Variants in RAB43 observed in about 807,000 individuals in gnomAD.
RAB43 encodes the protein ras-related protein Rab-43.
Under a neutral mutation model 18.8 loss-of-function variants are expected in RAB43, and 6 were observed. The ratio of observed to expected loss-of-function variants is 0.32; its 90% CI spans 0.17 to 0.63. The LOEUF (loss-of-function observed/expected upper bound fraction) is 0.63, where lower values mean the gene tolerates loss of function less well. RAB43 is among the 30% of genes least tolerant of loss of function. The pLI is 0.79. For synonymous variants in RAB43, 103 were observed against 124.1 expected (o/e 0.83, Z 1.13); for missense variants, 195 against 289.1 (o/e 0.67, Z 2.36).
Position 129,095,989 on chromosome 3 carries a change from G to A in RAB43, c.205-820C>T, listed in dbSNP as rs1339264310. Among the ~76,000 whole-genome samples the A allele has an allele frequency of 6.6e-6, 1 of 152,218 alleles. No individual in the cohort carries two copies. Among genetic ancestry groups the A allele is most frequent in the Non-Finnish European group, 1.5e-5 (1 of 68,034 alleles). ...ATCACCAGCCAAGGGGCATATGCCA[G>A]GGATCTTGGTGACCAAACACCTTGG... On this transcript the variant is annotated intron_variant, in intron 1 of 2. Transcript: ENST00000315150. The surrounding 1 kb of genome is among the most constrained non-coding windows in gnomAD (Gnocchi z 4.2).
At position 129,087,957 on chromosome 3, in the gene RAB43, TC is replaced by T. The variant is rs1378456832; in HGVS notation, c.*3138del. ...CCCCGCCACCTCCACCATTGCCCCC[TC>T]CCCTGCACTCTGGCCCCTGACCCCA... On this transcript the variant is annotated 3_prime_UTR_variant, in exon 3 of 3. Transcript: ENST00000315150. The T allele has an allele frequency of 7.3e-5, 4 of 54,756 alleles. No homozygotes were observed. The South Asian group carries it at 2.3e-3, about 31-fold the overall frequency. The allele number at this position is 54,756 out of a possible 1,614,324, so 3.4% of individuals were successfully genotyped here.
At chr3:129,096,167 G>A (rs1934037550) in intron 1 of RAB43, among the ~76,000 whole-genome samples, 1 of 152,232 alleles carries the variant, frequency 6.6e-6, no homozygotes, top group African/African-American at 2.4e-5. Context: ...AGTTCTCAAG[G>A]TATGTGAGAA....
intron 1 of RAB43, among the ~76,000 whole-genome samples, chr3:129,111,415 T>G (rs1310047905): frequency 6.7e-6 from 1 of 150,124 alleles, no homozygotes; most frequent in Non-Finnish European, 1.5e-5. Flanking sequence ...CTCAGGAGGC[T>G]GAGGCAGAAG....
intron 1 of RAB43, among the ~76,000 whole-genome samples, chr3:129,111,086 G>A (rs138425460): frequency 2.8e-4 from 43 of 152,176 alleles, no homozygotes; most frequent in African/African-American, 9.1e-4. Context: ...CCCAAGGGTA[G>A]GGGACTCCTC....
intron 1 of RAB43, among the ~76,000 whole-genome samples, chr3:129,118,130 G>A (rs991839191): frequency 1.3e-5 from 2 of 152,146 alleles, no homozygotes; most frequent in African/African-American, 4.8e-5. Context: ...GAGTATGATG[G>A]GCACGGGAAG....
At chr3:129,115,925 G>A (rs1277616958) in intron 1 of RAB43, among the ~76,000 whole-genome samples, 4 of 152,174 alleles carry the variant, frequency 2.6e-5, no homozygotes, top group African/African-American at 7.2e-5. Flanking sequence ...ATCCTGCTCC[G>A]TCCCACCTGG....
At chr3:129,108,105 A>G (rs1934901380) in intron 1 of RAB43, among the ~76,000 whole-genome samples, 1 of 152,208 alleles carries the variant, frequency 6.6e-6, no homozygotes, top group Admixed American at 6.5e-5. Context: ...CTCTGCACAG[A>G]GGCAGCCATG....
intron 1 of RAB43, among the ~76,000 whole-genome samples, chr3:129,098,735 A>T (rs1229109241): frequency 6.6e-6 from 1 of 152,218 alleles, no homozygotes; most frequent in Non-Finnish European, 1.5e-5. Flanking sequence ...TAAATGAAAA[A>T]TTATTTCTTA....
intron 1 of RAB43, 41 bp downstream of exon 1, chr3:129,121,238 CCCACCCT>C: frequency 6.6e-7 from 1 of 1,508,018 alleles, no homozygotes; most frequent in Non-Finnish European, 9.0e-7. Flanking sequence ...CTGCCCCCGC[CCCACCCT>C]CCGAGGGAGC....
intron 1 of RAB43, 53 bp downstream of exon 1, chr3:129,121,233 C>T (rs1935907226): frequency 6.8e-7 from 1 of 1,481,284 alleles, no homozygotes; most frequent in Admixed American, 2.2e-5. Context: ...CTCCGCTGCC[C>T]CCGCCCCACC....
Position 129,095,016 on chromosome 3 carries a change from C to T in RAB43, c.358G>A (p.Ala120Thr). The T allele has an allele frequency of 1.2e-6, 2 of 1,611,984 alleles. No individual in the cohort carries two copies. Among genetic ancestry groups the T allele is most frequent in the Non-Finnish European group, 1.7e-6 (2 of 1,178,804 alleles). Residue 120 changes from alanine to threonine, a missense_variant, in exon 2 of 3, where the codon GCG becomes ACG. By Grantham distance (58) the Ala-to-Thr change is moderately conservative. Transcript: ENST00000315150. The surrounding 1 kb of genome is among the most constrained non-coding windows in gnomAD (Gnocchi z 4.2). ...PHWIEDVRKY[A>T]GSNIVQLLIG... is the part of the protein sequence containing the mutation. The stretch of plus-strand genomic sequence containing the variant: ...AGCAGCTGCACAATGTTGGAGCCCG[C>T]ATACTTCCTCACATCCTCAATCCAG...
chr3:129,101,885 C>T lies in RAB43; in HGVS notation c.205-6716G>A, dbSNP rs1170471785. ...CTCCCACTCACATATCTTATCAGCG[C>T]ACCCTGCACTCCAGCCACTGCTGCA... On this transcript the variant is annotated intron_variant, in intron 1 of 2. Coordinates refer to ENST00000315150, the MANE Select transcript of RAB43 (RefSeq NM_198490.3). Among the ~76,000 whole-genome samples, 6 of 152,334 alleles carry T rather than the reference C, an allele frequency of 3.9e-5. No individual in the cohort carries two copies. In the East Asian group the frequency reaches 1.2e-3, roughly 29 times the overall value.
chr3:129,097,545 C>A (rs1934140263), intron 1 of RAB43, among the ~76,000 whole-genome samples: 1 of 151,998 alleles, frequency 6.6e-6, no homozygotes, highest in Admixed American at 6.6e-5. Context: ...AGTTCCTCTA[C>A]CTAAAGAAAT....
rs1935927426 is a variant in RAB43, at chr3:129,121,467, G to A, written c.23C>T (p.Pro8Leu). 1.2e-6 allele frequency: 2 copies of A among 1,612,050 alleles called. No individual in the cohort carries two copies. Among genetic ancestry groups the A allele is most frequent in the Non-Finnish European group, 8.5e-7 (1 of 1,179,250 alleles). Residue 8 changes from proline (P) to leucine (L), a missense_variant, in exon 1 of 3, where the codon CCG (proline) becomes CTG (leucine). Coordinates refer to ENST00000315150, the MANE Select transcript of RAB43 (RefSeq NM_198490.3). Reference sequence around the variant, plus strand: ...ATCGTACTGCTCGTCCGGGTCCCCCGGGCCTGGGCCCGGCCCTGCCATGGC... The same window carrying A: ...ATCGTACTGCTCGTCCGGGTCCCCCAGGCCTGGGCCCGGCCCTGCCATGGC... MAGPGPG[P>L]GDPDEQYDFL...
At chr3:129,119,956 C>T (rs539939889) in intron 1 of RAB43, among the ~76,000 whole-genome samples, 1 of 152,184 alleles carries the variant, frequency 6.6e-6, no homozygotes, top group Non-Finnish European at 1.5e-5. Context: ...ATAACGGACA[C>T]TCCACCCACT....
intron 1 of RAB43, among the ~76,000 whole-genome samples, chr3:129,111,593 C>A (rs539013896): frequency 6.6e-6 from 1 of 151,784 alleles, no homozygotes; most frequent in Non-Finnish European, 1.5e-5. Flanking sequence ...TGATCCTGCT[C>A]CTCACTCTCC....
intron 1 of RAB43, among the ~76,000 whole-genome samples, chr3:129,100,055 A>G (rs1040624151): frequency 6.6e-6 from 1 of 152,148 alleles, no homozygotes; most frequent in Admixed American, 6.6e-5. Flanking sequence ...AAAATACAAA[A>G]TACACAAAAG....
intron 1 of RAB43, among the ~76,000 whole-genome samples, chr3:129,109,540 C>A (rs1377839670): frequency 2.0e-5 from 3 of 151,300 alleles, no homozygotes; most frequent in Non-Finnish European, 4.4e-5. Context: ...AGTTCAAGAC[C>A]AGCCTGGCCA....
intron 1 of RAB43, among the ~76,000 whole-genome samples, chr3:129,098,962 A>G (rs1191434420): frequency 2.6e-5 from 4 of 151,872 alleles, no homozygotes; most frequent in Non-Finnish European, 4.4e-5. Flanking sequence ...AATCCCAACT[A>G]CTCGGGAGGC....
Sources: gnomAD v4.1 joint callset for allele counts (sites outside exome capture counted in the v4.1 genomes callset) on GRCh38, gnomAD v4.1.1 for gene constraint, Gnocchi (gnomAD v3.1) non-coding constraint, MANE v1.5 for transcripts, NCBI Gene and HGNC (gene_info 2026-07-23, HGNC 2026-07-21) for gene names.